Variants in CADPS observed in about 807,000 individuals in gnomAD.
CADPS encodes the protein calcium-dependent secretion activator 1.
Under a neutral mutation model 167.3 loss-of-function variants are expected in CADPS, and 57 were observed. The observed-to-expected ratio is 0.34, with a 90% CI of 0.28 to 0.42. CADPS has a LOEUF of 0.42. Among genes scored for constraint, CADPS ranks in the 20% least tolerant of loss-of-function variants. The pLI, the probability that CADPS is intolerant of heterozygous loss-of-function variation, is 1.00. For synonymous variants in CADPS, 676 were observed against 635.3 expected, an observed-to-expected ratio of 1.06 and a Z score of -0.96; for missense variants, 1,414 against 1,738.1, an observed-to-expected ratio of 0.81 and a Z score of 3.32.
intron 4 of CADPS, among the ~76,000 whole-genome samples, chr3:62,660,194 A>C (rs1158785670): frequency 2.0e-5 from 3 of 152,144 alleles, no homozygotes; most frequent in Non-Finnish European, 2.9e-5. Flanking sequence ...TAAACAAAGC[A>C]AGTAAATTAA....
intron 1 of CADPS, among the ~76,000 whole-genome samples, chr3:62,846,414 A>G (rs2077440680): frequency 6.6e-6 from 1 of 152,086 alleles, no homozygotes; most frequent in South Asian, 2.1e-4. Flanking sequence ...GCCTAGACCT[A>G]TTCGTTCTTT....
chr3:62,772,757 G>A (rs1488514920), intron 1 of CADPS, among the ~76,000 whole-genome samples: 3 of 152,182 alleles, frequency 2.0e-5, no homozygotes, highest in Non-Finnish European at 4.4e-5. Context: ...GTTAATATGT[G>A]TCCTATTGCA....
chr3:62,460,639 C>T (rs954976766), intron 26 of CADPS, among the ~76,000 whole-genome samples: 9 of 152,196 alleles, frequency 5.9e-5, no homozygotes, highest in African/African-American at 1.9e-4. Context: ...GTGGCATTCT[C>T]GTTCTAAGGC....
chr3:62,517,993 C>A (rs984264010), intron 14 of CADPS, among the ~76,000 whole-genome samples, 156 bp downstream of exon 14: 7 of 152,104 alleles, frequency 4.6e-5, no homozygotes, highest in Non-Finnish European at 1.0e-4. Flanking sequence ...CTGGTTATTG[C>A]GGAACCATAT....
intron 3 of CADPS, among the ~76,000 whole-genome samples, chr3:62,669,255 C>A (rs569116071): frequency 2.6e-5 from 4 of 152,174 alleles, no homozygotes; most frequent in African/African-American, 9.7e-5. Context: ...AGGGTGGAGG[C>A]ACCTCCCCAT....
At position 62,772,238 on chromosome 3, in the gene CADPS, G is replaced by A. The variant is rs140943999; in HGVS notation, c.442-6254C>T. Among the ~76,000 whole-genome samples, 8 of 151,858 alleles carry A rather than the reference G, an allele frequency of 5.3e-5. 1 individual carries two copies. The highest frequency in any genetic ancestry group is 8.8e-5 in the Non-Finnish European group (6 of 67,986). The stretch of plus-strand genomic sequence containing the variant: ...TTTTTATTTACTCAGCCTTTTGAAG[G>A]TATCACTGATGTGGTATTCCTTACC... On this transcript the variant is annotated intron_variant, in intron 1 of 29. Coordinates refer to ENST00000383710, the MANE Select transcript of CADPS (RefSeq NM_003716.4).
chr3:62,872,414 TA>T (rs1418538436), intron 1 of CADPS, among the ~76,000 whole-genome samples: 8 of 152,174 alleles, frequency 5.3e-5, no homozygotes, highest in Non-Finnish European at 5.9e-5. Flanking sequence ...TATATATATA[TA>T]TTTTGTTGTT....
chr3:62,431,165 C>T (rs1467192453), intron 28 of CADPS, among the ~76,000 whole-genome samples: 7 of 152,196 alleles, frequency 4.6e-5, no homozygotes, highest in East Asian at 3.9e-4. Flanking sequence ...GGGAAAATCC[C>T]GGTAGAATTA....
chr3:62,540,921 C>T (rs536787109), intron 11 of CADPS, among the ~76,000 whole-genome samples: 4 of 152,116 alleles, frequency 2.6e-5, no homozygotes, highest in Non-Finnish European at 4.4e-5. Flanking sequence ...GGGAAAACAG[C>T]CCAGAGCAAG....
chr3:62,601,844 T>G lies in CADPS; in HGVS notation c.1326-9096A>C, dbSNP rs1345518504. On this transcript the variant is annotated intron_variant, in intron 6 of 29. Coordinates refer to ENST00000383710, the MANE Select transcript of CADPS (RefSeq NM_003716.4). The surrounding 1 kb of genome is among the most constrained non-coding windows in gnomAD (Gnocchi z 4.3). ...GTACCACCACTTTGAAAGTGAACAC[T>G]TTGATCTGGGGGAGAAAATGAGGGA... Among the ~76,000 whole-genome samples, 1 of 152,176 alleles carries G rather than the reference T, an allele frequency of 6.6e-6. No individual in the cohort carries two copies. The highest frequency in any genetic ancestry group is 1.5e-5 in the Non-Finnish European group (1 of 68,034).
intron 6 of CADPS, among the ~76,000 whole-genome samples, chr3:62,613,925 A>G (rs182410695): frequency 6.6e-6 from 1 of 152,172 alleles, no homozygotes; most frequent in African/African-American, 2.4e-5. Flanking sequence ...ATCTCTCTCT[A>G]TGCTTCTTTC....
At chr3:62,600,749 A>T (rs1040652875) in intron 6 of CADPS, among the ~76,000 whole-genome samples, 3 of 152,232 alleles carry the variant, frequency 2.0e-5, no homozygotes, top group African/African-American at 7.2e-5. Context: ...CCCCGTGCAG[A>T]AATAACACTT....
intron 3 of CADPS, among the ~76,000 whole-genome samples, chr3:62,751,767 G>A (rs1054732058): frequency 2.0e-5 from 3 of 152,094 alleles, no homozygotes; most frequent in African/African-American, 7.2e-5. Context: ...TTATTCTGGA[G>A]AGAGAAGATA....
At chr3:62,437,869 G>T (rs2055467665) in intron 28 of CADPS, among the ~76,000 whole-genome samples, 1 of 152,144 alleles carries the variant, frequency 6.6e-6, no homozygotes, top group East Asian at 1.9e-4. Context: ...TTGCCGAGAG[G>T]CTGTGTGCCG....
At chr3:62,618,881 T>C (rs1354041834) in intron 6 of CADPS, among the ~76,000 whole-genome samples, 1 of 152,202 alleles carries the variant, frequency 6.6e-6, no homozygotes, top group East Asian at 1.9e-4. Flanking sequence ...ACATTTCAAG[T>C]ACTAGATAAA....
At chr3:62,587,062 T>G (rs552664819) in intron 7 of CADPS, among the ~76,000 whole-genome samples, 1 of 152,218 alleles carries the variant, frequency 6.6e-6, no homozygotes, top group African/African-American at 2.4e-5. Context: ...TCTGATTACA[T>G]TGGCATTGTT....
At chr3:62,415,683 T>C (rs1051056338) in intron 28 of CADPS, among the ~76,000 whole-genome samples, 18 of 152,192 alleles carry the variant, frequency 1.2e-4, no homozygotes, top group Admixed American at 1.2e-3. Flanking sequence ...TGGTAGTTTT[T>C]TTGTGTGTGA....
rs776133271 is a variant in CADPS at position 62,538,122 on chromosome 3, C to A, written c.1967-1541G>T. The stretch of plus-strand genomic sequence containing the variant: ...ATTATATTAGAGAATCTGAGAGAAT[C>A]CTCCTTGCTGCATTAACTGCCTCAG... On this transcript the variant is annotated intron_variant, in intron 11 of 29. Coordinates refer to ENST00000383710, the MANE Select transcript of CADPS (RefSeq NM_003716.4). Among the ~76,000 whole-genome samples, 55 of 152,076 alleles carry A rather than the reference C, an allele frequency of 3.6e-4. 1 individual carries two copies. The highest frequency in any genetic ancestry group is 1.6e-3 in the Admixed American group (24 of 15,254).
intron 1 of CADPS, among the ~76,000 whole-genome samples, chr3:62,823,132 C>T (rs555659281): frequency 1.3e-5 from 2 of 152,290 alleles, no homozygotes; most frequent in African/African-American, 4.8e-5. Context: ...TAGATGCAGA[C>T]AATTGTGTGA....
Sources: gnomAD v4.1 joint callset for allele counts (sites outside exome capture counted in the v4.1 genomes callset) on GRCh38, gnomAD v4.1.1 for gene constraint, Gnocchi (gnomAD v3.1) non-coding constraint, MANE v1.5 for transcripts, NCBI Gene and HGNC (gene_info 2026-07-23, HGNC 2026-07-21) for gene names.